Variants in HMCN1 observed in about 807,000 individuals in gnomAD.
The protein encoded by HMCN1 is hemicentin 1.
HMCN1 carries 321 observed loss-of-function variants against 625.9 expected under a neutral mutation model. That is an observed-to-expected ratio of 0.51 (90% CI 0.47 to 0.56). HMCN1 has a LOEUF of 0.56. HMCN1 is among the 20% of genes least tolerant of loss of function. The pLI, the probability that HMCN1 is intolerant of heterozygous loss-of-function variation, is 0.00. For synonymous variants in HMCN1, 2,425 were observed against 2,417.6 expected, an observed-to-expected ratio of 1.00 and a Z score of -0.09; for missense variants, 6,588 against 6,887.3, an observed-to-expected ratio of 0.96 and a Z score of 1.54.
intron 100 of HMCN1, among the ~76,000 whole-genome samples, chr1:186,168,611 A>G (rs200173458): frequency 6.6e-6 from 1 of 152,212 alleles, no homozygotes; most frequent in East Asian, 1.9e-4. Context: ...GAGCCCAACT[A>G]TGGTGATTTT....
intron 1 of HMCN1, among the ~76,000 whole-genome samples, chr1:185,770,100 A>C (rs532391765): frequency 5.9e-5 from 9 of 152,140 alleles, no homozygotes; most frequent in Non-Finnish European, 1.2e-4. Context: ...ACAGTAGGGA[A>C]GTGAGTTCTA....
intron 1 of HMCN1, among the ~76,000 whole-genome samples, chr1:185,763,489 G>T (rs759893958): frequency 6.6e-6 from 1 of 152,144 alleles, no homozygotes; most frequent in African/African-American, 2.4e-5. Flanking sequence ...CTGCAAGATG[G>T]TTCCTTATAT....
At chr1:185,743,438 T>A (rs943344668) in intron 1 of HMCN1, among the ~76,000 whole-genome samples, 15 of 152,220 alleles carry the variant, frequency 9.9e-5, no homozygotes, top group Non-Finnish European at 5.9e-5. Flanking sequence ...GTGTAGTGAT[T>A]GAATGTTTCT....
At chr1:185,794,601 A>ATTTTTTTTTTTTTTTTTT (rs34098989) in intron 1 of HMCN1, among the ~76,000 whole-genome samples, 3 of 111,194 alleles carry the variant, frequency 2.7e-5, no homozygotes, top group East Asian at 2.6e-4. Flanking sequence ...GTCTTTACAC[A>ATTTTTTTTTTTTTTTTTT]TTTTTTTTTT....
chr1:186,153,817 C>A lies in HMCN1; in HGVS notation c.15086C>A (p.Thr5029Asn), dbSNP rs1484550329. The A allele has an allele frequency of 6.2e-7, 1 of 1,614,038 alleles. No individual in the cohort carries two copies. The highest frequency in any genetic ancestry group is 8.5e-7 in the Non-Finnish European group (1 of 1,180,028). ...QLYAYSTRLFTIDGISIPYTW... is the reference protein window; with the variant it reads ...QLYAYSTRLFNIDGISIPYTW... ...TACGCCTACTCAACCCGGCTGTTCA[C>A]CATTGATGGCATCAGCATCCCATAC... Residue 5029 changes from threonine to asparagine, a missense_variant, in exon 97 of 107, where the codon ACC becomes AAC. Physicochemically the swap from Thr to Asn is moderately conservative, Grantham distance 65. Transcript: ENST00000271588.
chr1:185,951,361 G>A (rs1306088743), intron 11 of HMCN1, among the ~76,000 whole-genome samples: 1 of 151,734 alleles, frequency 6.6e-6, no homozygotes, highest in Non-Finnish European at 1.5e-5. Context: ...GTTTTAAGAG[G>A]TTTAGAAGCC....
intron 97 of HMCN1, among the ~76,000 whole-genome samples, chr1:186,158,776 T>G (rs1294275210): frequency 6.6e-6 from 1 of 152,170 alleles, no homozygotes; most frequent in African/African-American, 2.4e-5. Context: ...GAGGGCTCTG[T>G]TCTGTTCCAT....
Position 186,130,602 on chromosome 1 carries a change from C to T in HMCN1, c.13135C>T (p.Pro4379Ser). The change falls in exon 85 of 107, where the codon CCA (proline) becomes TCA (serine). Residue 4379 changes from proline to serine, a missense_variant. Coordinates refer to ENST00000271588, the MANE Select transcript of HMCN1 (RefSeq NM_031935.3). ...LNCEVKGDPT[P>S]TIQWNRKGVD... ...TTGTGAGGTGAAAGGAGACCCCACC[C>T]CAACCATCCAGTGGAACAGAAAGGG... 3.1e-6 allele frequency: 5 copies of T among 1,613,570 alleles called. No homozygotes were observed. The highest frequency in any genetic ancestry group is 1.3e-5 in the African/African-American group (1 of 74,990).
At chr1:185,798,471 C>T (rs1007272066) in intron 1 of HMCN1, among the ~76,000 whole-genome samples, 9 of 152,104 alleles carry the variant, frequency 5.9e-5, no homozygotes, top group African/African-American at 1.4e-4. Flanking sequence ...ATAGGTTTTA[C>T]GAACTCTAGT....
At position 185,982,269 on chromosome 1, in the gene HMCN1, A is replaced by G. The variant is rs201113609; in HGVS notation, c.2670A>G (p.Pro890=). ...TGCTCTCTCTTGATTTAGTTGCTCC[A>G]CTTATTGGAATCAGCCCTTCAGTGG... is the stretch of plus-strand genomic sequence containing the variant. ...TTVTVTGLVA[P]LIGISPSVAN... is the part of the protein sequence containing the mutation. Residue 890 remains proline, a synonymous_variant, in exon 18 of 107, where the codon CCA becomes CCG. Transcript: ENST00000271588. The G allele has an allele frequency of 5.0e-6, 8 of 1,613,690 alleles. No homozygotes were observed. Among genetic ancestry groups the G allele is most frequent in the Admixed American group, 1.7e-5 (1 of 59,976 alleles).
chr1:186,159,803 G>A lies in HMCN1; in HGVS notation c.15257-5308G>A, dbSNP rs185910664. Among the ~76,000 whole-genome samples the A allele has an allele frequency of 2.8e-3, 421 of 152,224 alleles. 3 individuals carry two copies. Among genetic ancestry groups the A allele is most frequent in the African/African-American group, 9.7e-3 (404 of 41,518 alleles). On this transcript the variant is annotated intron_variant, in intron 97 of 106. Coordinates refer to ENST00000271588, the MANE Select transcript of HMCN1 (RefSeq NM_031935.3). ...TCATGGTGGATAAGCTTTTTGATGC[G>A]CTTGCTGGATTCGGTTTGCCAGTAT...
At chr1:185,985,059 G>A (rs545293612) in intron 19 of HMCN1, among the ~76,000 whole-genome samples, 2 of 152,290 alleles carry the variant, frequency 1.3e-5, no homozygotes, top group Admixed American at 1.3e-4. Context: ...TTTATTTAGA[G>A]TGTGAATTGG....
chr1:185,820,806 A>T (rs1660137722), intron 1 of HMCN1, among the ~76,000 whole-genome samples: 1 of 152,094 alleles, frequency 6.6e-6, no homozygotes, highest in Admixed American at 6.6e-5. Context: ...GCAATATTTT[A>T]TGTCTGCAAA....
At chr1:186,092,419 A>G (rs1659892635) in intron 64 of HMCN1, among the ~76,000 whole-genome samples, 2 of 151,964 alleles carry the variant, frequency 1.3e-5, no homozygotes, top group East Asian at 1.9e-4. Flanking sequence ...TATAATAGAA[A>G]TGGAGCTTTT....
chr1:185,824,003 A>G (rs1413214275), intron 1 of HMCN1, among the ~76,000 whole-genome samples: 1 of 152,142 alleles, frequency 6.6e-6, no homozygotes, highest in Non-Finnish European at 1.5e-5. Flanking sequence ...TCACCATTCT[A>G]TGGGGAACTG....
intron 1 of HMCN1, among the ~76,000 whole-genome samples, chr1:185,752,318 G>A (rs145362722): frequency 6.6e-6 from 1 of 151,950 alleles, no homozygotes; most frequent in African/African-American, 2.4e-5. Context: ...GTACTCTATT[G>A]TAGCTCTCTG....
At chr1:185,941,437 C>T (rs1292102067) in intron 11 of HMCN1, among the ~76,000 whole-genome samples, 1 of 152,134 alleles carries the variant, frequency 6.6e-6, no homozygotes, top group African/African-American at 2.4e-5. Context: ...TAAGTTAGAA[C>T]ATCTGACTGT....
chr1:186,120,831 A>G (rs1661364148), intron 80 of HMCN1, among the ~76,000 whole-genome samples: 1 of 152,246 alleles, frequency 6.6e-6, no homozygotes, highest in South Asian at 2.1e-4. Flanking sequence ...AACATTACAG[A>G]CATGATCCTT....
At position 186,189,828 on chromosome 1, in the gene HMCN1, T is replaced by C. The variant is rs935161897; in HGVS notation, c.16858T>C (p.Tyr5620His). 6.2e-7 allele frequency: 1 copy of C among 1,613,764 alleles called. No individual in the cohort carries two copies. Among genetic ancestry groups the C allele is most frequent in the East Asian group, 2.2e-5 (1 of 44,886 alleles). Residue 5620 changes from tyrosine to histidine, a missense_variant, in exon 107 of 107, where the codon TAT becomes CAT. Physicochemically the swap from Tyr to His is moderately conservative, Grantham distance 83. Coordinates refer to ENST00000271588, the MANE Select transcript of HMCN1 (RefSeq NM_031935.3). ...SSYSANGTIE[Y>H]QTTFIVYIAV... is the part of the protein sequence containing the mutation. ...CTACAGTGCCAATGGGACCATTGAA[T>C]ATCAGACCACATTCATAGTTTATAT...
Sources: allele counts gnomAD v4.1 joint callset (sites outside exome capture counted in the v4.1 genomes callset), GRCh38; gene constraint gnomAD v4.1.1; transcripts MANE v1.5; gene names NCBI Gene and HGNC (gene_info 2026-07-23, HGNC 2026-07-21).